The following SLC8A1 variants were observed in gnomAD, a reference collection of about 807,000 sequenced individuals.
SLC8A1 encodes sodium/calcium exchanger 1.
In SLC8A1, 18 loss-of-function variants were observed where a neutral mutation model predicts 68.3. That is an observed-to-expected ratio of 0.26 (90% CI 0.18 to 0.39). The LOEUF is 0.39. Ranked by LOEUF, SLC8A1 falls within the 10% of genes least tolerant of loss-of-function variation. The probability of loss-of-function intolerance (pLI) is 1.00; values close to 1 mark genes in which losing one functional copy is unlikely to be tolerated. For synonymous variants in SLC8A1, 475 were observed against 415.5 expected (o/e 1.14, Z -1.74); for missense variants, 985 against 1,156.7 (o/e 0.85, Z 2.15).
chr2:40,237,651 AC>A (rs1320986371), intron 2 of SLC8A1, among the ~76,000 whole-genome samples: 6 of 152,200 alleles, frequency 3.9e-5, no homozygotes, highest in Admixed American at 1.3e-4. Context: ...CTGGTGAGGA[AC>A]TGTGTTCCTT....
At chr2:40,292,792 T>A (rs1487525465) in intron 2 of SLC8A1, among the ~76,000 whole-genome samples, 1 of 151,592 alleles carries the variant, frequency 6.6e-6, no homozygotes, top group Admixed American at 6.6e-5. Flanking sequence ...CTTTGAATAG[T>A]GCTAACAGAA....
At chr2:40,155,889 C>T (rs372765897) in intron 6 of SLC8A1, among the ~76,000 whole-genome samples, 4 of 152,130 alleles carry the variant, frequency 2.6e-5, no homozygotes, top group Non-Finnish European at 4.4e-5. Flanking sequence ...CAGCAGCATG[C>T]ACCAGCTGGG....
intron 1 of SLC8A1, among the ~76,000 whole-genome samples, chr2:40,492,630 A>AC (rs1321590479): frequency 2.0e-5 from 3 of 149,908 alleles, no homozygotes; most frequent in African/African-American, 7.4e-5. Context: ...TCTACAATGA[A>AC]CTCAAACAAA....
intron 1 of SLC8A1, among the ~76,000 whole-genome samples, chr2:40,489,641 A>G (rs1201617904): frequency 6.6e-6 from 1 of 152,022 alleles, no homozygotes; most frequent in Non-Finnish European, 1.5e-5. Flanking sequence ...TTAGTTGGAG[A>G]AGGAGAGAAG....
chr2:40,307,034 A>C (rs1168738736), intron 2 of SLC8A1, among the ~76,000 whole-genome samples: 1 of 152,182 alleles, frequency 6.6e-6, no homozygotes, highest in African/African-American at 2.4e-5. Flanking sequence ...GGTCTTCAAG[A>C]AATATTTGCT....
intron 2 of SLC8A1, among the ~76,000 whole-genome samples, chr2:40,329,675 G>T (rs943732841): frequency 6.6e-6 from 1 of 152,180 alleles, no homozygotes; most frequent in Non-Finnish European, 1.5e-5. Context: ...CAAGGATAGG[G>T]TGCTGCACAT....
chr2:40,377,172 A>G (rs928630993), intron 2 of SLC8A1, among the ~76,000 whole-genome samples: 3 of 152,112 alleles, frequency 2.0e-5, no homozygotes, highest in Non-Finnish European at 4.4e-5. Flanking sequence ...CAGGTAACCC[A>G]TTAAGAAGAG....
chr2:40,465,430 T>C (rs1703610318), intron 1 of SLC8A1, among the ~76,000 whole-genome samples: 1 of 152,172 alleles, frequency 6.6e-6, no homozygotes, highest in South Asian at 2.1e-4. Flanking sequence ...CAAAAGTTTT[T>C]CACCATTTTG....
At chr2:40,237,372 C>T (rs538804863) in intron 2 of SLC8A1, among the ~76,000 whole-genome samples, 27 of 152,164 alleles carry the variant, frequency 1.8e-4, no homozygotes, top group East Asian at 1.4e-3. Flanking sequence ...CCATTGCTGA[C>T]ACCCTTTCTT....
intron 2 of SLC8A1, among the ~76,000 whole-genome samples, chr2:40,274,847 T>G (rs1252794177): frequency 6.6e-6 from 1 of 152,216 alleles, no homozygotes. Context: ...GGTCTCTCTC[T>G]GTAAATGGAT....
chr2:40,405,641 CT>C (rs1326867911), intron 2 of SLC8A1, among the ~76,000 whole-genome samples: 3 of 152,092 alleles, frequency 2.0e-5, no homozygotes, highest in Non-Finnish European at 4.4e-5. Context: ...GTGTGTGTTT[CT>C]TTTTTAGAAA....
At chr2:40,348,750 T>A (rs1323505202) in intron 2 of SLC8A1, among the ~76,000 whole-genome samples, 1 of 151,974 alleles carries the variant, frequency 6.6e-6, no homozygotes, top group Admixed American at 6.6e-5. Flanking sequence ...CCTTAATGAC[T>A]CTTGGTGGTT....
intron 2 of SLC8A1, among the ~76,000 whole-genome samples, chr2:40,393,447 T>C (rs906542834): frequency 2.0e-5 from 3 of 152,128 alleles, no homozygotes; most frequent in Admixed American, 1.3e-4. Context: ...GGAATTGCTA[T>C]GTTCCAAATG....
chr2:40,115,841 T>C (rs1413293064), intron 7 of SLC8A1, among the ~76,000 whole-genome samples: 2 of 152,188 alleles, frequency 1.3e-5, no homozygotes, highest in African/African-American at 2.4e-5. Flanking sequence ...GGCTGTGTAA[T>C]GGACTGAGCA....
At chr2:40,234,854 T>C (rs2060157437) in intron 2 of SLC8A1, among the ~76,000 whole-genome samples, 1 of 152,180 alleles carries the variant, frequency 6.6e-6, no homozygotes, top group African/African-American at 2.4e-5. Flanking sequence ...TCTATTGAGA[T>C]AATCATGTGG....
chr2:40,223,320 A>G (rs2148853252), intron 2 of SLC8A1, among the ~76,000 whole-genome samples: 1 of 152,264 alleles, frequency 6.6e-6, no homozygotes, highest in Middle Eastern at 3.4e-3. Context: ...GAACAATGAG[A>G]ACACATGGAC....
At chr2:40,234,695 C>T (rs1343103264) in intron 2 of SLC8A1, among the ~76,000 whole-genome samples, 1 of 152,150 alleles carries the variant, frequency 6.6e-6, no homozygotes, top group East Asian at 1.9e-4. Context: ...AAAGGGAATG[C>T]TTCCAGTTTT....
chr2:40,466,366 C>T (rs1286010247), intron 1 of SLC8A1, among the ~76,000 whole-genome samples: 2 of 152,136 alleles, frequency 1.3e-5, no homozygotes, highest in Admixed American at 1.3e-4. Flanking sequence ...CGTCAGGAAG[C>T]TGGGGCAGCA....
At chr2:40,463,897 TAG>T (rs71414285) in intron 1 of SLC8A1, among the ~76,000 whole-genome samples, 3 of 143,908 alleles carry the variant, frequency 2.1e-5, no homozygotes, top group East Asian at 4.1e-4. Context: ...CATATATATA[TAG>T]AGAGAGAGAC....
Sources: allele counts gnomAD v4.1 joint callset (sites outside exome capture counted in the v4.1 genomes callset), GRCh38; gene constraint gnomAD v4.1.1; transcripts MANE v1.5; gene names NCBI Gene and HGNC (gene_info 2026-07-23, HGNC 2026-07-21).